Variants in TTC3 observed in about 807,000 individuals in gnomAD.
TTC3 encodes the protein tetratricopeptide repeat domain 3, also known as E3 ubiquitin-protein ligase TTC3.
TTC3 carries 180 observed loss-of-function variants against 249.6 expected under a neutral mutation model. That is an observed-to-expected ratio of 0.72 (90% CI 0.64 to 0.82). TTC3 has a LOEUF of 0.82. TTC3 is among the 40% of genes least tolerant of loss of function. The pLI is 0.00. For synonymous variants in TTC3, 717 were observed against 805.0 expected, an observed-to-expected ratio of 0.89 and a Z score of 1.85; for missense variants, 2,061 against 2,398.4, an observed-to-expected ratio of 0.86 and a Z score of 2.94.
chr21:37,117,273 A>G (rs1049002156), intron 11 of TTC3, among the ~76,000 whole-genome samples: 1 of 152,132 alleles, frequency 6.6e-6, no homozygotes, highest in East Asian at 1.9e-4. Flanking sequence ...CATTTTTTAA[A>G]TGCCTTATTT....
intron 11 of TTC3, among the ~76,000 whole-genome samples, chr21:37,114,689 C>T (rs1413280042): frequency 6.6e-6 from 1 of 152,038 alleles, no homozygotes; most frequent in Non-Finnish European, 1.5e-5. Context: ...TGGGTATATA[C>T]CCAAAGGATT....
chr21:37,139,562 G>A (rs1281887144), intron 19 of TTC3, among the ~76,000 whole-genome samples: 2 of 152,012 alleles, frequency 1.3e-5, no homozygotes, highest in Non-Finnish European at 2.9e-5. Flanking sequence ...AGTCTTTTAC[G>A]TTCTGTTCTC....
intron 10 of TTC3, among the ~76,000 whole-genome samples, chr21:37,104,527 T>G (rs1371809518): frequency 6.8e-6 from 1 of 147,312 alleles, no homozygotes; most frequent in Non-Finnish European, 1.5e-5. Context: ...GAGGCGGAGG[T>G]TGCAGTGAGC....
chr21:37,195,658 T>G lies in TTC3; in HGVS notation c.5218-17T>G, dbSNP rs1165706646. The G allele has an allele frequency of 1.3e-6, 2 of 1,582,734 alleles. No individual in the cohort carries two copies. Among genetic ancestry groups the G allele is most frequent in the Non-Finnish European group, 1.7e-6 (2 of 1,163,446 alleles). On this transcript the variant is annotated splice_polypyrimidine_tract_variant and intron_variant, in intron 41 of 45. Coordinates refer to ENST00000355666, the Ensembl canonical transcript of TTC3. ...GGGAAGCCCTAAGTGATCCATGGTGTGGTGTGTTCCTCACAGGTTCATCCC... is the reference window on the plus strand; with the variant it reads ...GGGAAGCCCTAAGTGATCCATGGTGGGGTGTGTTCCTCACAGGTTCATCCC...
chr21:37,172,010 G>A (rs569480411), intron 34 of TTC3, among the ~76,000 whole-genome samples: 1 of 152,296 alleles, frequency 6.6e-6, no homozygotes, highest in South Asian at 2.1e-4. Flanking sequence ...AGTTTGAAAG[G>A]TTTTAAAAAA....
intron 23 of TTC3, 33 bp from the exon 24 acceptor site, chr21:37,150,044 AT>A (rs2079315303): frequency 1.4e-6 from 2 of 1,444,414 alleles, no homozygotes; most frequent in Non-Finnish European, 1.9e-6. Context: ...TAGACATAAC[AT>A]TTTTCTTGTT....
intron 10 of TTC3, 108 bp downstream of exon 10, chr21:37,096,751 G>A: frequency 1.3e-6 from 1 of 787,838 alleles, no homozygotes; most frequent in Non-Finnish European, 2.1e-6. Flanking sequence ...CTGGTTCTTT[G>A]GCAGAAATAC....
At chr21:37,167,911 G>T (rs768232054) in intron 34 of TTC3, among the ~76,000 whole-genome samples, 19 of 150,736 alleles carry the variant, frequency 1.3e-4, no homozygotes, top group Non-Finnish European at 2.5e-4. Flanking sequence ...TTTGAGACAC[G>T]GTCTCACTGT....
At chr21:37,138,253 T>C (rs1047461216) in intron 18 of TTC3, among the ~76,000 whole-genome samples, 2 of 152,204 alleles carry the variant, frequency 1.3e-5, no homozygotes, top group African/African-American at 4.8e-5. Context: ...ATTTGCTTTA[T>C]TGTGATGCTC....
intron 31 of TTC3, 34 bp from the exon 32 acceptor site, chr21:37,164,017 A>T: frequency 6.3e-7 from 1 of 1,586,500 alleles, no homozygotes; most frequent in South Asian, 1.2e-5. Flanking sequence ...TCTATCATCC[A>T]CAAAATTGGG....
At chr21:37,144,621 A>G in exon 21 of TTC3, 2 of 1,611,160 alleles carry the variant, frequency 1.2e-6, no homozygotes, top group Non-Finnish European at 1.7e-6. Flanking sequence ...TGATTATTGA[A>G]GAGTCTCAGC....
At chr21:37,201,172 A>ACC (rs938792534) in intron 45 of TTC3, among the ~76,000 whole-genome samples, 7 of 152,166 alleles carry the variant, frequency 4.6e-5, no homozygotes, top group Admixed American at 2.0e-4. Flanking sequence ...CGAGCCTGGA[A>ACC]CCGGGGATCA....
exon 42 of TTC3, chr21:37,195,968 C>G: frequency 6.2e-7 from 1 of 1,614,176 alleles, no homozygotes; most frequent in Non-Finnish European, 8.5e-7. Context: ...CGCGTTCAAG[C>G]CAGTCTCCAA....
At position 37,156,216 on chromosome 21, in the gene TTC3, T is replaced by A. The variant is rs2148033562; in HGVS notation, c.2741-439T>A. Among the ~76,000 whole-genome samples, 3 of 150,452 alleles carry A rather than the reference T, an allele frequency of 2.0e-5. No homozygotes were observed. The South Asian group carries it at 6.4e-4, about 32-fold the overall frequency. Reference sequence around the variant, plus strand: ...CATGCCTGGCTAACTCTTTTTTTTTTTGTAAAGATAGGGGTCTTGCTATGT... The same window carrying A: ...CATGCCTGGCTAACTCTTTTTTTTTATGTAAAGATAGGGGTCTTGCTATGT... On this transcript the variant is annotated intron_variant, in intron 27 of 45. Transcript: ENST00000355666.
At chr21:37,108,512 T>C in intron 11 of TTC3, 66 bp downstream of exon 11, 1 of 1,449,144 alleles carries the variant, frequency 6.9e-7, no homozygotes, top group Non-Finnish European at 9.5e-7. Context: ...AATCTGTTTA[T>C]AGGGTGTGTT....
chr21:37,123,626 T>C (rs1445736240), intron 13 of TTC3, among the ~76,000 whole-genome samples: 1 of 152,244 alleles, frequency 6.6e-6, no homozygotes, highest in Non-Finnish European at 1.5e-5. Flanking sequence ...AGCTGCTAAT[T>C]CTGTAGCATG....
At chr21:37,202,991 A>C (rs1169493060) in exon 46 of TTC3, 1 of 152,214 alleles carries the variant, frequency 6.6e-6, no homozygotes, top group Non-Finnish European at 1.5e-5. Flanking sequence ...GCAAGTACAA[A>C]AGGAGAAGAG....
At chr21:37,114,846 G>C (rs1204620068) in intron 11 of TTC3, among the ~76,000 whole-genome samples, 1 of 152,076 alleles carries the variant, frequency 6.6e-6, no homozygotes, top group South Asian at 2.1e-4. Context: ...GGAATACTAA[G>C]CAGCCATAAA....
chr21:37,124,160 G>A (rs1388209044), intron 13 of TTC3, among the ~76,000 whole-genome samples: 7 of 103,504 alleles, frequency 6.8e-5, no homozygotes, highest in Non-Finnish European at 1.1e-4. Context: ...CTGTCACCTA[G>A]GCTGGAGTGC....
Sources: gnomAD v4.1 joint callset for allele counts (sites outside exome capture counted in the v4.1 genomes callset) on GRCh38, gnomAD v4.1.1 for gene constraint, MANE v1.5 for transcripts, NCBI Gene and HGNC (gene_info 2026-07-23, HGNC 2026-07-21) for gene names.